The following JADE3 variants were observed in gnomAD, a reference collection of about 807,000 sequenced individuals.
The protein encoded by JADE3 is protein Jade-3.
Under a neutral mutation model 50.1 loss-of-function variants are expected in JADE3, and 2 were observed. That is an observed-to-expected ratio of 0.04 (90% CI 0.02 to 0.13). The LOEUF (loss-of-function observed/expected upper bound fraction) is 0.13. JADE3 is among the 10% of genes least tolerant of loss of function. The pLI is 1.00. For missense variants in JADE3, 475 were observed against 634.4 expected (o/e 0.75, Z 2.70); for synonymous variants, 218 against 232.9 (o/e 0.94, Z 0.58).
chrX:46,917,826 T>A (rs1161193628), intron 1 of JADE3, among the ~76,000 whole-genome samples: 34 of 64,012 alleles, frequency 5.3e-4, no homozygotes, highest in Non-Finnish European at 8.3e-4. Context: ...TCTCTCACTC[T>A]CTCTCATCCT....
chrX:47,051,434 A>G lies in JADE3; in HGVS notation c.973-2724A>G, dbSNP rs868942514. Among the ~76,000 whole-genome samples the G allele has an allele frequency of 3.6e-4, 40 of 112,210 alleles. 1 individual carries two copies. The highest frequency in any genetic ancestry group is 4.6e-3 in the Middle Eastern group (1 of 217). ...TAAGAATTCCCAATATTTCCTTAGAAACGAATCTTCCCTTACTTTCCCCAC... is the reference window on the plus strand; with the variant it reads ...TAAGAATTCCCAATATTTCCTTAGAGACGAATCTTCCCTTACTTTCCCCAC... On this transcript the variant is annotated intron_variant, in intron 8 of 10. Transcript: ENST00000614628.
intron 1 of JADE3, among the ~76,000 whole-genome samples, chrX:46,967,862 G>A (rs72616713): frequency 8.9e-6 from 1 of 112,394 alleles, no homozygotes; most frequent in Admixed American, 9.4e-5. Flanking sequence ...AATAAGTAGT[G>A]AAATGACTAA....
In JADE3 at chrX:47,058,723, A is replaced by G. The variant is rs1556374119; in HGVS notation, c.2118A>G (p.Lys706=). ...TGGTCAGTCAGGGCAGCTTTAGAAA[A>G]TCCACTGTAGAACACTTTAGTAGGT... The part of the protein sequence containing the change: ...PHLVSQGSFR[K]STVEHFSRSF... Residue 706 remains lysine, a synonymous_variant, in exon 11 of 11, where the codon AAA becomes AAG. Coordinates refer to ENST00000614628, the MANE Select transcript of JADE3 (RefSeq NM_014735.5). 5.8e-6 allele frequency: 7 copies of G among 1,210,957 alleles called. No individual in the cohort carries two copies. The Admixed American group carries it at 1.5e-4, about 26-fold the overall frequency.
chrX:46,965,230 A>G (rs1358476892), intron 1 of JADE3, among the ~76,000 whole-genome samples: 1 of 111,189 alleles, frequency 9.0e-6, no homozygotes, highest in Non-Finnish European at 1.9e-5. Context: ...AATGGAGGAA[A>G]TGATCCCTGA....
intron 1 of JADE3, among the ~76,000 whole-genome samples, chrX:46,961,015 C>G (rs1221011070): frequency 9.0e-6 from 1 of 111,637 alleles, no homozygotes; most frequent in African/African-American, 3.3e-5. Context: ...GGTTTTACAT[C>G]AAGTATCATA....
At chrX:46,971,853 A>C (rs1277942479) in intron 1 of JADE3, among the ~76,000 whole-genome samples, 2 of 110,485 alleles carry the variant, frequency 1.8e-5, no homozygotes, top group Non-Finnish European at 3.8e-5. Context: ...AGCACCATTA[A>C]AATCTGTCAA....
intron 1 of JADE3, among the ~76,000 whole-genome samples, chrX:46,944,555 G>T (rs1926840194): frequency 9.1e-6 from 1 of 110,420 alleles, no homozygotes; most frequent in Non-Finnish European, 1.9e-5. Context: ...TGATCCACCC[G>T]CCTTGGCCTC....
At chrX:47,053,174 G>A (rs368836907) in intron 8 of JADE3, among the ~76,000 whole-genome samples, 60 of 111,633 alleles carry the variant, frequency 5.4e-4, no homozygotes, top group African/African-American at 1.7e-3. Context: ...TAATCCCAAC[G>A]CTTTAGGAGG....
rs367842739 is a variant in JADE3, at chrX:46,998,101, A to G, written c.127-19A>G. On this transcript the variant is annotated intron_variant, in intron 3 of 10. Coordinates refer to ENST00000614628, the MANE Select transcript of JADE3 (RefSeq NM_014735.5). ...TGCATAGTGATGGTCTTCTCAAGAT[A>G]TGTGCAATATCTTTCCAGGTATTCC... 1 of 1,185,007 alleles carries G rather than the reference A, an allele frequency of 8.4e-7. No homozygotes were observed. The highest frequency in any genetic ancestry group is 1.8e-5 in the African/African-American group (1 of 56,672).
At chrX:47,005,003 A>T (rs895858721) in intron 4 of JADE3, among the ~76,000 whole-genome samples, 7 of 111,714 alleles carry the variant, frequency 6.3e-5, no homozygotes, top group African/African-American at 2.3e-4. Context: ...ATATAATGCA[A>T]ACATAAGACT....
intron 1 of JADE3, among the ~76,000 whole-genome samples, chrX:46,914,812 A>G (rs1160891555): frequency 8.9e-6 from 1 of 111,755 alleles, no homozygotes; most frequent in Non-Finnish European, 1.9e-5. Flanking sequence ...ATCTGGTCAT[A>G]GGTAGAAAAA....
At chrX:46,978,096 G>A (rs1407897434) in intron 1 of JADE3, among the ~76,000 whole-genome samples, 3 of 111,931 alleles carry the variant, frequency 2.7e-5, no homozygotes, top group African/African-American at 9.7e-5. Context: ...AGTGACAACA[G>A]GGCTGACCAT....
chrX:47,019,329 G>A (rs929489877), intron 4 of JADE3, among the ~76,000 whole-genome samples: 2 of 111,506 alleles, frequency 1.8e-5, no homozygotes, highest in African/African-American at 6.5e-5. Context: ...GATGAACAAG[G>A]GTCATCTTGG....
intron 3 of JADE3, among the ~76,000 whole-genome samples, chrX:46,995,597 C>T (rs10521448): frequency 0.13 from 14,076 of 111,395 alleles, 997 homozygotes; most frequent in East Asian, 0.37. Flanking sequence ...CCTCACTAAT[C>T]GGGATTTGCT....
At chrX:46,913,579 T>TTTTG (rs1222272236) in intron 1 of JADE3, among the ~76,000 whole-genome samples, 1 of 111,324 alleles carries the variant, frequency 9.0e-6, no homozygotes, top group Non-Finnish European at 1.9e-5. Flanking sequence ...TTGTTTTGTT[T>TTTTG]TTTGTTTGTT....
intron 4 of JADE3, among the ~76,000 whole-genome samples, chrX:47,000,799 G>A (rs991282830): frequency 1.7e-4 from 19 of 111,478 alleles, no homozygotes; most frequent in Admixed American, 6.7e-4. Context: ...TAATTTGTCC[G>A]CCTTGGCCTC....
chrX:47,003,760 AAAATAATTATATATAATTTATATATG>A (rs1373645593), intron 4 of JADE3, among the ~76,000 whole-genome samples: 4 of 100,632 alleles, frequency 4.0e-5, no homozygotes, highest in East Asian at 2.9e-4. Context: ...ATTTATATAT[AAAATAATTATATATAATTTATATATG>A]TTTTATATAT....
chrX:47,024,297 A>G (rs1928860052), intron 4 of JADE3, among the ~76,000 whole-genome samples: 1 of 112,099 alleles, frequency 8.9e-6, no homozygotes, highest in Non-Finnish European at 1.9e-5. Context: ...CAGCCTGGAC[A>G]ACATAGTGAG....
intron 1 of JADE3, among the ~76,000 whole-genome samples, chrX:46,940,050 G>A (rs1423613960): frequency 3.6e-5 from 4 of 112,110 alleles, no homozygotes; most frequent in African/African-American, 1.3e-4. Context: ...AGCCTGCAAA[G>A]CAAAAAATAT....
Sources: gnomAD v4.1 joint callset for allele counts (sites outside exome capture counted in the v4.1 genomes callset) on GRCh38, gnomAD v4.1.1 for gene constraint, MANE v1.5 for transcripts, NCBI Gene and HGNC (gene_info 2026-07-23, HGNC 2026-07-21) for gene names.